Variants in DDX55 observed in about 807,000 individuals in gnomAD.
The protein encoded by DDX55 is DEAD-box helicase 55, also known as ATP-dependent RNA helicase DDX55.
In DDX55, 56 loss-of-function variants were observed where a neutral mutation model predicts 69.2. The observed-to-expected ratio is 0.81, with a 90% CI of 0.65 to 1.01. The LOEUF is 1.01. DDX55 is among the 50% of genes least tolerant of loss of function. The pLI is 0.00. For missense variants in DDX55, 720 were observed against 745.1 expected, an observed-to-expected ratio of 0.97 and a Z score of 0.39; for synonymous variants, 268 against 273.1, an observed-to-expected ratio of 0.98 and a Z score of 0.18.
Position 123,608,668 on chromosome 12 carries a change from T to C in DDX55, c.402-12T>C, listed in dbSNP as rs775472862. On this transcript the variant is annotated splice_polypyrimidine_tract_variant and intron_variant, in intron 5 of 13. Transcript: ENST00000238146. ...CCAGAGAGTTTGGTAAATGTTAACTTTCTTTCCAAAGTGGGAACATCATTG... is the reference window on the plus strand; with the variant it reads ...CCAGAGAGTTTGGTAAATGTTAACTCTCTTTCCAAAGTGGGAACATCATTG... The C allele has an allele frequency of 8.1e-6, 13 of 1,611,034 alleles. No individual in the cohort carries two copies. In the South Asian group the frequency reaches 1.2e-4, roughly 15 times the overall value.
chr12:123,618,015 GTTTTT>G, intron 11 of DDX55, 143 bp downstream of exon 11: 81 of 457,118 alleles, frequency 1.8e-4, no homozygotes, highest in East Asian at 3.7e-4. Context: ...CCCTGGTGGG[GTTTTT>G]TTTTTTTTTT....
At position 123,620,111 on chromosome 12, in the gene DDX55, G is replaced by C; in HGVS notation, c.1774G>C (p.Gly592Arg). Residue 592 changes from glycine (G) to arginine (R), a missense_variant, in exon 14 of 14, where the codon GGG becomes CGG. By Grantham distance (125) the Gly-to-Arg change is moderately radical. Transcript: ENST00000238146. ...GKRTIKTVDL[G>R]ISDLEDDC ...AAGAACAATCAAGACAGTGGATTTA[G>C]GGATCTCAGATTTGGAAGATGACTG... is the stretch of plus-strand genomic sequence containing the variant. 6.2e-7 allele frequency: 1 copy of C among 1,613,902 alleles called. No individual in the cohort carries two copies. The highest frequency in any genetic ancestry group is 8.5e-7 in the Non-Finnish European group (1 of 1,179,850).
At position 123,617,676 on chromosome 12, in the gene DDX55, C is replaced by T. The variant is rs181535583; in HGVS notation, c.1050-82C>T. On this transcript the variant is annotated intron_variant, in intron 10 of 13. Transcript: ENST00000238146. ...CTAGAGGCTCCCCAGAGCGTTTTAG[C>T]TGCAGCAGCCATGTGGCTGGAGCCT... is the stretch of plus-strand genomic sequence containing the variant. 444 of 1,298,584 alleles carry T rather than the reference C, an allele frequency of 3.4e-4. 2 individuals carry two copies. Among genetic ancestry groups the T allele is most frequent in the Middle Eastern group, 3.1e-3 (11 of 3,546 alleles). The allele number at this position is 1,298,584 out of a possible 1,614,324, so 80.4% of individuals were successfully genotyped here. A position where few individuals can be genotyped will look rare whatever the true frequency, so the allele number is the denominator to read the frequency against.
chr12:123,620,326 A>G lies in DDX55; in HGVS notation c.*186A>G, dbSNP rs1189654648. ...CACTTCAGAATATTTTACTAAAAAC[A>G]TTCCAGTCTTGGCCGGGTGCGGTGG... On this transcript the variant is annotated 3_prime_UTR_variant, in exon 14 of 14. Coordinates refer to ENST00000238146, the MANE Select transcript of DDX55 (RefSeq NM_020936.3). 1.0e-5 allele frequency: 6 copies of G among 582,788 alleles called. No individual in the cohort carries two copies. The highest frequency in any genetic ancestry group is 1.6e-5 in the Non-Finnish European group (6 of 369,688). 36.1% of individuals were successfully genotyped at this position (582,788 alleles called of 1,614,324 possible). A position where few individuals can be genotyped will look rare whatever the true frequency, so the allele number is the denominator to read the frequency against.
chr12:123,611,413 C>T (rs530390120), intron 7 of DDX55, among the ~76,000 whole-genome samples: 14 of 152,198 alleles, frequency 9.2e-5, no homozygotes, highest in Non-Finnish European at 1.9e-4. Flanking sequence ...GAGGAGGCAC[C>T]CACAGGCCAG....
At chr12:123,617,698 G>A in intron 10 of DDX55, 60 bp from the exon 11 acceptor site, 1 of 1,471,360 alleles carries the variant, frequency 6.8e-7, no homozygotes, top group African/African-American at 1.4e-5. Flanking sequence ...TGTGGCTGGA[G>A]CCTGAGCTCT....
At chr12:123,602,451 C>G (rs786428) in intron 1 of DDX55, among the ~76,000 whole-genome samples, 195 bp downstream of exon 1, 128,554 of 152,226 alleles carry the variant, frequency 0.84, 54,676 homozygotes, top group East Asian at 0.97. Context: ...AGAGGGGCCG[C>G]GACCCACCCC....
chr12:123,618,957 A>G lies in DDX55; in HGVS notation c.1333+120A>G, dbSNP rs1419117505. 4.2e-6 allele frequency: 6 copies of G among 1,418,698 alleles called. No individual in the cohort carries two copies. In the African/African-American group the frequency reaches 7.2e-5, roughly 17 times the overall value. The allele number at this position is 1,418,698 out of a possible 1,614,324, so 87.9% of individuals were successfully genotyped here. A position where few individuals can be genotyped will look rare whatever the true frequency, so the allele number is the denominator to read the frequency against. ...CCCAGGTTTTGAGTAGACACAGAAT[A>G]AACTGGCCACTGGCTGCTGAGTATT... On this transcript the variant is annotated intron_variant, in intron 12 of 13. Transcript: ENST00000238146.
chr12:123,607,951 G>C, intron 5 of DDX55: 1 of 470,582 alleles, frequency 2.1e-6, no homozygotes, highest in African/African-American at 1.9e-5. Context: ...CAGCTGCCTT[G>C]AATACTCAGC....
Position 123,608,846 on chromosome 12 carries a change from T to C in DDX55, c.551+17T>C. 2.5e-6 allele frequency: 4 copies of C among 1,607,252 alleles called. No individual in the cohort carries two copies. The South Asian group carries it at 3.3e-5, about 13-fold the overall frequency. On this transcript the variant is annotated intron_variant, in intron 6 of 13. Coordinates refer to ENST00000238146, the MANE Select transcript of DDX55 (RefSeq NM_020936.3). The stretch of plus-strand genomic sequence containing the variant: ...TGAGGCAAGGTACTGGACTTTGGAC[T>C]TCACTGGCTTGAGTGGGCAGATGAT...
At chr12:123,613,065 T>G in intron 7 of DDX55, 105 bp from the exon 8 acceptor site, 3 of 1,155,630 alleles carry the variant, frequency 2.6e-6, no homozygotes, top group South Asian at 2.7e-5. Flanking sequence ...GTCCTACCCA[T>G]GGGGGAAATG....
At position 123,607,448 on chromosome 12, in the gene DDX55, T is replaced by C; in HGVS notation, c.263T>C (p.Ile88Thr). Residue 88 changes from isoleucine (I) to threonine (T), a missense_variant, in exon 4 of 14, where the codon ATC becomes ACC. By Grantham distance (89) the Ile-to-Thr change is moderately conservative. Coordinates refer to ENST00000238146, the MANE Select transcript of DDX55 (RefSeq NM_020936.3). ...LKKSQVGAIIITPTRELAIQI... is the reference protein window; with the variant it reads ...LKKSQVGAIITTPTRELAIQI... ...TGTGGGTAGGTTGGAGCCATAATCATCACCCCCACTCGAGAGCTGGCCATT... is the reference window on the plus strand; with the variant it reads ...TGTGGGTAGGTTGGAGCCATAATCACCACCCCCACTCGAGAGCTGGCCATT... 1 of 1,614,098 alleles carries C rather than the reference T, an allele frequency of 6.2e-7. No homozygotes were observed. Among genetic ancestry groups the C allele is most frequent in the Non-Finnish European group, 8.5e-7 (1 of 1,180,016 alleles).
Position 123,620,102 on chromosome 12 carries a change from G to A in DDX55, c.1765G>A (p.Val589Met). Reference protein sequence around the residue: ...LTTGKRTIKTVDLGISDLEDD... With the variant: ...LTTGKRTIKTMDLGISDLEDD... ...AACTGGCAAAAGAACAATCAAGACA[G>A]TGGATTTAGGGATCTCAGATTTGGA... Residue 589 changes from valine (V) to methionine (M), a missense_variant, in exon 14 of 14, where the codon GTG becomes ATG. Val to Met is a conservative substitution (Grantham distance 21). Coordinates refer to ENST00000238146, the MANE Select transcript of DDX55 (RefSeq NM_020936.3). 6.2e-7 allele frequency: 1 copy of A among 1,613,926 alleles called. No individual in the cohort carries two copies. Among genetic ancestry groups the A allele is most frequent in the Non-Finnish European group, 8.5e-7 (1 of 1,179,976 alleles).
At chr12:123,613,749 T>G (rs1954445566) in intron 8 of DDX55, among the ~76,000 whole-genome samples, 1 of 152,172 alleles carries the variant, frequency 6.6e-6, no homozygotes, top group Admixed American at 6.5e-5. Context: ...GCCCCTCACT[T>G]CAAGAGCAGC....
chr12:123,603,722 C>T (rs369961255), intron 1 of DDX55, among the ~76,000 whole-genome samples: 6 of 151,860 alleles, frequency 4.0e-5, no homozygotes, highest in African/African-American at 1.5e-4. Context: ...ATGGTGTTAC[C>T]ATTTCCCAAG....
In DDX55 at chr12:123,619,306, A is replaced by G. The variant is rs182825746; in HGVS notation, c.1334-126A>G. The G allele has an allele frequency of 8.4e-6, 12 of 1,430,156 alleles. 1 individual carries two copies. In the South Asian group the frequency reaches 1.4e-4, roughly 17 times the overall value. 88.6% of individuals were successfully genotyped at this position (1,430,156 alleles called of 1,614,324 possible). A position where few individuals can be genotyped will look rare whatever the true frequency, so the allele number is the denominator to read the frequency against. On this transcript the variant is annotated intron_variant, in intron 12 of 13. Transcript: ENST00000238146. ...GCGTGAGCCACTGCACCCGGCCTCA[A>G]TTATTTTCATTCTAACTAAAATGAA... is the stretch of plus-strand genomic sequence containing the variant.
intron 7 of DDX55, among the ~76,000 whole-genome samples, chr12:123,611,833 A>G (rs903143332): frequency 6.6e-6 from 1 of 152,202 alleles, no homozygotes; most frequent in Admixed American, 6.5e-5. Flanking sequence ...AGGACTCTGC[A>G]TAGGGTAGTG....
intron 8 of DDX55, among the ~76,000 whole-genome samples, chr12:123,613,477 T>C (rs1954422163): frequency 6.6e-6 from 1 of 152,204 alleles, no homozygotes; most frequent in Middle Eastern, 3.2e-3. Context: ...GTTTCATGTG[T>C]CAGTCATGTC....
At chr12:123,603,746 C>G (rs757636932) in intron 1 of DDX55, among the ~76,000 whole-genome samples, 11 of 151,994 alleles carry the variant, frequency 7.2e-5, no homozygotes, top group Non-Finnish European at 1.3e-4. Flanking sequence ...GACTGGCGTG[C>G]GTATCAGGTT....
Sources: allele counts gnomAD v4.1 joint callset (sites outside exome capture counted in the v4.1 genomes callset), GRCh38; gene constraint gnomAD v4.1.1; transcripts MANE v1.5; gene names NCBI Gene and HGNC (gene_info 2026-07-23, HGNC 2026-07-21).